Variants in RCOR1 observed in about 807,000 individuals in gnomAD.
The protein encoded by RCOR1 is REST corepressor.
In RCOR1, 12 loss-of-function variants were observed where a neutral mutation model predicts 64.0. The observed-to-expected ratio is 0.19, with a 90% confidence interval of 0.12 to 0.30. The LOEUF (loss-of-function observed/expected upper bound fraction) is 0.30, where lower values mean the gene tolerates loss of function less well. Among genes scored for constraint, RCOR1 ranks in the 10% least tolerant of loss-of-function variants. RCOR1 has a pLI of 1.00. For synonymous variants in RCOR1, 279 were observed against 227.2 expected (o/e 1.23, Z -2.05); for missense variants, 502 against 621.2 (o/e 0.81, Z 2.04).
At chr14:102,710,354 A>G (rs1309821875) in intron 6 of RCOR1, among the ~76,000 whole-genome samples, 1 of 152,214 alleles carries the variant, frequency 6.6e-6, no homozygotes, top group African/African-American at 2.4e-5. Context: ...CATTCAGGAT[A>G]TTACAAAAAG....
chr14:102,649,136 G>C (rs1330657932), intron 2 of RCOR1, among the ~76,000 whole-genome samples: 1 of 152,042 alleles, frequency 6.6e-6, no homozygotes. Flanking sequence ...ACTCTGGCCT[G>C]GGTGACAGAG....
intron 4 of RCOR1, among the ~76,000 whole-genome samples, chr14:102,702,299 G>A (rs1259317841): frequency 6.6e-6 from 1 of 151,904 alleles, no homozygotes; most frequent in African/African-American, 2.4e-5. Flanking sequence ...TCTTAAGGAT[G>A]GTAGTCTTGA....
intron 2 of RCOR1, chr14:102,658,472 T>G: frequency 2.6e-5 from 25 of 962,532 alleles, no homozygotes; most frequent in Non-Finnish European, 2.8e-5. Context: ...TGGGTGAGAG[T>G]GAGACTCTGA....
intron 2 of RCOR1, among the ~76,000 whole-genome samples, chr14:102,637,271 C>T (rs546289976): frequency 5.9e-5 from 9 of 151,346 alleles, no homozygotes; most frequent in East Asian, 3.9e-4. Flanking sequence ...GGATTACAGG[C>T]GCCCGCCACC....
At chr14:102,656,501 G>A (rs1463482114) in intron 2 of RCOR1, among the ~76,000 whole-genome samples, 1 of 151,838 alleles carries the variant, frequency 6.6e-6, no homozygotes, top group Admixed American at 6.6e-5. Context: ...TTGAGATGGA[G>A]TCTCACTCTG....
chr14:102,595,463 C>G (rs912408152), intron 2 of RCOR1, among the ~76,000 whole-genome samples: 1 of 152,128 alleles, frequency 6.6e-6, no homozygotes, highest in African/African-American at 2.4e-5. Flanking sequence ...CCATTGCACT[C>G]CAGCCTGGGT....
intron 2 of RCOR1, among the ~76,000 whole-genome samples, chr14:102,623,387 A>ATTTATTTAT (rs1555462469): frequency 6.4e-5 from 8 of 124,836 alleles, no homozygotes; most frequent in Admixed American, 1.6e-4. Flanking sequence ...TTATTTATTT[A>ATTTATTTAT]TTATTTATTT....
At chr14:102,626,386 CAG>C (rs1250664914) in intron 2 of RCOR1, among the ~76,000 whole-genome samples, 1 of 152,192 alleles carries the variant, frequency 6.6e-6, no homozygotes, top group African/African-American at 2.4e-5. Context: ...AAAGCAAATA[CAG>C]AGTGCTACGT....
Position 102,730,297 on chromosome 14 carries a change from G to A in RCOR1, c.*3791G>A. On this transcript the variant is annotated 3_prime_UTR_variant, in exon 12 of 12. Transcript: ENST00000262241. ...GGAAATGCTGTATATCTTTTGAAGT[G>A]ATGAAATCCACGTTGGAATTTTAAA... 1 of 316,760 alleles carries A rather than the reference G, an allele frequency of 3.2e-6. No individual in the cohort carries two copies. Among genetic ancestry groups the A allele is most frequent in the Non-Finnish European group, 5.7e-6 (1 of 174,808 alleles). 19.6% of individuals were successfully genotyped at this position (316,760 alleles called of 1,614,324 possible).
chr14:102,622,761 CAGT>C (rs1454764458), intron 2 of RCOR1, among the ~76,000 whole-genome samples: 8 of 152,166 alleles, frequency 5.3e-5, no homozygotes, highest in Non-Finnish European at 8.8e-5. Context: ...CTAGGCTTCA[CAGT>C]AGCATGTCCT....
intron 3 of RCOR1, among the ~76,000 whole-genome samples, chr14:102,696,462 C>CAG (rs1895650969): frequency 6.6e-6 from 1 of 152,182 alleles, no homozygotes; most frequent in Admixed American, 6.5e-5. Flanking sequence ...CCAGGTTGCA[C>CAG]AGGCAGGCCT....
chr14:102,620,354 G>A (rs1402263118), intron 2 of RCOR1, among the ~76,000 whole-genome samples: 1 of 151,466 alleles, frequency 6.6e-6, no homozygotes, highest in Non-Finnish European at 1.5e-5. Flanking sequence ...GATCACATGA[G>A]GTCGGGAGTT....
At chr14:102,688,037 G>T (rs1443509107) in intron 3 of RCOR1, among the ~76,000 whole-genome samples, 1 of 151,112 alleles carries the variant, frequency 6.6e-6, no homozygotes, top group Non-Finnish European at 1.5e-5. Context: ...CGTGATCTTG[G>T]CTCACTGCAA....
At chr14:102,637,134 T>TA (rs1239866813) in intron 2 of RCOR1, among the ~76,000 whole-genome samples, 62 of 150,894 alleles carry the variant, frequency 4.1e-4, no homozygotes, top group Non-Finnish European at 7.2e-4. Flanking sequence ...TTTTTTTATT[T>TA]TTTTTTTTTT....
Position 102,653,963 on chromosome 14 carries a change from C to T in RCOR1, c.362-27932C>T, listed in dbSNP as rs12895762. ...TCTTTCTTTCTTTCTTTCTTTCTTT[C>T]TTTCTTTCTTTCTTTCTTTCTTTTT... On this transcript the variant is annotated intron_variant, in intron 2 of 11. Transcript: ENST00000262241. 1.8e-3 allele frequency among the ~76,000 whole-genome samples: 79 copies of T among 43,542 alleles called. 1 individual carries two copies. The highest frequency in any genetic ancestry group is 6.3e-3 in the African/African-American group (35 of 5,558). The allele number at this position is 43,542 out of a possible 152,430, so 28.6% of individuals were successfully genotyped here.
intron 2 of RCOR1, among the ~76,000 whole-genome samples, chr14:102,672,577 A>G (rs1895052003): frequency 6.6e-6 from 1 of 152,198 alleles, no homozygotes; most frequent in African/African-American, 2.4e-5. Flanking sequence ...TTAGCCAAAT[A>G]ATCTGACTAA....
chr14:102,726,684 T>C lies in RCOR1; in HGVS notation c.*178T>C, dbSNP rs1896270398. ...CCTTAATTCTTTGCTCGTTCCTCCA[T>C]GTTGGCGCCACTTCCCAGAGAGCTC... On this transcript the variant is annotated 3_prime_UTR_variant, in exon 12 of 12. Coordinates refer to ENST00000262241, the MANE Select transcript of RCOR1 (RefSeq NM_015156.4). 1.4e-5 allele frequency: 8 copies of C among 590,912 alleles called. No individual in the cohort carries two copies. In the South Asian group the frequency reaches 1.8e-4, roughly 13 times the overall value. The allele number at this position is 590,912 out of a possible 1,614,324, so 36.6% of individuals were successfully genotyped here.
intron 7 of RCOR1, among the ~76,000 whole-genome samples, chr14:102,712,276 A>G (rs545816012): frequency 1.3e-5 from 2 of 151,778 alleles, no homozygotes; most frequent in African/African-American, 4.8e-5. Flanking sequence ...TCTGCCTCCC[A>G]GATTCAAGTG....
chr14:102,644,362 T>G (rs1047316654), intron 2 of RCOR1, among the ~76,000 whole-genome samples: 2 of 152,216 alleles, frequency 1.3e-5, no homozygotes, highest in African/African-American at 2.4e-5. Context: ...GGAACATAGA[T>G]TCCATCTCTT....
Sources: allele counts gnomAD v4.1 joint callset (sites outside exome capture counted in the v4.1 genomes callset), GRCh38; gene constraint gnomAD v4.1.1; transcripts MANE v1.5; gene names NCBI Gene and HGNC (gene_info 2026-07-23, HGNC 2026-07-21).